Variants in CHRM2 observed in about 807,000 individuals in gnomAD.
CHRM2 encodes muscarinic acetylcholine receptor M2.
CHRM2 carries 8 observed loss-of-function variants against 25.0 expected under a neutral mutation model. The ratio of observed to expected loss-of-function variants is 0.32; its 90% confidence interval spans 0.19 to 0.58. The LOEUF (loss-of-function observed/expected upper bound fraction) is 0.58, where lower values mean the gene tolerates loss of function less well. CHRM2 is among the 20% of genes least tolerant of loss of function. The pLI is 0.88. For missense variants in CHRM2, 440 were observed against 567.1 expected, an observed-to-expected ratio of 0.78 and a Z score of 2.28; for synonymous variants, 202 against 205.7, an observed-to-expected ratio of 0.98 and a Z score of 0.15.
chr7:136,954,814 G>A (rs539768437), intron 2 of CHRM2, among the ~76,000 whole-genome samples: 62 of 152,308 alleles, frequency 4.1e-4, no homozygotes, highest in Non-Finnish European at 8.4e-4. Context: ...ATCAGAAGAT[G>A]ATCAAGAGAC....
intron 2 of CHRM2, among the ~76,000 whole-genome samples, chr7:136,897,837 A>T (rs757379484): frequency 2.6e-5 from 4 of 152,112 alleles, no homozygotes; most frequent in Admixed American, 1.3e-4. Flanking sequence ...TACAACTCTC[A>T]ATGTGATTTT....
At chr7:136,902,060 T>C (rs1797242689) in intron 2 of CHRM2, 1 of 152,062 alleles carries the variant, frequency 6.6e-6, no homozygotes, top group South Asian at 2.1e-4. Context: ...GGGTTGTTTA[T>C]AACAGTCCAG....
At chr7:136,904,842 G>C (rs1222391653) in intron 2 of CHRM2, among the ~76,000 whole-genome samples, 1 of 151,906 alleles carries the variant, frequency 6.6e-6, no homozygotes, top group South Asian at 2.1e-4. Context: ...AAGAGCACGG[G>C]TTTAGAATCA....
At chr7:136,885,343 C>T (rs1420994259) in intron 2 of CHRM2, among the ~76,000 whole-genome samples, 1 of 152,194 alleles carries the variant, frequency 6.6e-6, no homozygotes, top group African/African-American at 2.4e-5. Flanking sequence ...CCCTTCAACT[C>T]CATCTCCTAA....
chr7:136,883,571 T>C (rs1796347599), intron 2 of CHRM2, among the ~76,000 whole-genome samples: 1 of 152,152 alleles, frequency 6.6e-6, no homozygotes, highest in Non-Finnish European at 1.5e-5. Context: ...CAACCTACAA[T>C]GAATACTTCT....
At chr7:136,884,484 C>T (rs1282424462) in intron 2 of CHRM2, among the ~76,000 whole-genome samples, 1 of 145,378 alleles carries the variant, frequency 6.9e-6, no homozygotes, top group Non-Finnish European at 1.5e-5. Flanking sequence ...AAATGAAATG[C>T]CTTTTTTTTT....
intron 3 of CHRM2, among the ~76,000 whole-genome samples, chr7:137,012,716 G>C (rs1026861710): frequency 6.6e-6 from 1 of 151,634 alleles, no homozygotes; most frequent in Admixed American, 6.6e-5. Context: ...GGATTTTTTT[G>C]CTATAACAAC....
At chr7:136,919,094 T>A (rs1231996684) in intron 2 of CHRM2, among the ~76,000 whole-genome samples, 2 of 152,126 alleles carry the variant, frequency 1.3e-5, no homozygotes, top group East Asian at 1.9e-4. Flanking sequence ...AATAGACAAC[T>A]TTTGGAGACC....
intron 2 of CHRM2, among the ~76,000 whole-genome samples, chr7:136,974,986 G>A (rs1033622207): frequency 1.3e-5 from 2 of 152,060 alleles, no homozygotes; most frequent in African/African-American, 4.8e-5. Context: ...GGGATAAAAA[G>A]GTTTAAAAAT....
intron 3 of CHRM2, among the ~76,000 whole-genome samples, chr7:137,001,309 A>T (rs34767395): frequency 6.6e-6 from 1 of 152,176 alleles, no homozygotes; most frequent in Non-Finnish European, 1.5e-5. Flanking sequence ...TAATAACAAT[A>T]CAAAAAAGAA....
chr7:136,919,058 C>T (rs755935735), intron 2 of CHRM2, among the ~76,000 whole-genome samples: 5 of 152,040 alleles, frequency 3.3e-5, no homozygotes, highest in Non-Finnish European at 5.9e-5. Flanking sequence ...AGAAAAGAAT[C>T]GGCCATTTTT....
At chr7:136,874,163 A>G (rs888339519) in intron 2 of CHRM2, among the ~76,000 whole-genome samples, 49 of 152,146 alleles carry the variant, frequency 3.2e-4, no homozygotes, top group African/African-American at 1.2e-3. Context: ...CTCTTTTTCT[A>G]TAAGATTGTT....
chr7:136,934,437 T>G (rs1465465110), intron 2 of CHRM2, among the ~76,000 whole-genome samples: 1 of 152,188 alleles, frequency 6.6e-6, no homozygotes, highest in Non-Finnish European at 1.5e-5. Context: ...CCATCTCTCT[T>G]TAATTAGCCC....
chr7:136,956,605 A>G (rs746326040), intron 2 of CHRM2, among the ~76,000 whole-genome samples: 2 of 152,214 alleles, frequency 1.3e-5, no homozygotes, highest in African/African-American at 2.4e-5. Context: ...TCCTCTACCC[A>G]GAGGATTTGA....
chr7:136,887,448 C>T (rs1194897602), intron 2 of CHRM2, among the ~76,000 whole-genome samples: 1 of 152,126 alleles, frequency 6.6e-6, no homozygotes, highest in African/African-American at 2.4e-5. Context: ...GATGGCCCAA[C>T]TCTTATACTC....
chr7:136,978,091 G>T (rs951422335), intron 2 of CHRM2, among the ~76,000 whole-genome samples: 1 of 152,060 alleles, frequency 6.6e-6, no homozygotes, highest in African/African-American at 2.4e-5. Flanking sequence ...GGGAACACGG[G>T]CTGGAAAACT....
At chr7:136,936,930 A>T (rs1469179) in intron 2 of CHRM2, among the ~76,000 whole-genome samples, 79,367 of 151,940 alleles carry the variant, frequency 0.52, 22,453 homozygotes, top group African/African-American at 0.69. Context: ...TAATCTGCTG[A>T]ATTTTAGACA....
At chr7:137,005,916 G>A (rs945426260) in intron 3 of CHRM2, among the ~76,000 whole-genome samples, 5 of 152,046 alleles carry the variant, frequency 3.3e-5, no homozygotes, top group Non-Finnish European at 7.4e-5. Flanking sequence ...TTCTCAAGAC[G>A]GTAAGAGAGA....
intron 2 of CHRM2, among the ~76,000 whole-genome samples, chr7:136,927,254 C>G (rs980759708): frequency 6.6e-6 from 1 of 152,124 alleles, no homozygotes; most frequent in African/African-American, 2.4e-5. Flanking sequence ...AATGGGTGGT[C>G]CACCAGAAGG....
Sources: allele counts gnomAD v4.1 joint callset (sites outside exome capture counted in the v4.1 genomes callset), GRCh38; gene constraint gnomAD v4.1.1; transcripts MANE v1.5; gene names NCBI Gene and HGNC (gene_info 2026-07-23, HGNC 2026-07-21).